KIAA1217: variants seen among roughly 807,000 people sequenced by gnomAD.
The protein encoded by KIAA1217 is sickle tail protein homolog.
In KIAA1217, 88 loss-of-function variants were observed where a neutral mutation model predicts 163.9. The observed-to-expected ratio is 0.54, with a 90% CI of 0.45 to 0.64. The LOEUF is 0.64. KIAA1217 is among the 30% of genes least tolerant of loss of function. The pLI, the probability that KIAA1217 is intolerant of heterozygous loss-of-function variation, is 0.00. For synonymous variants in KIAA1217, 903 were observed against 923.1 expected, an observed-to-expected ratio of 0.98 and a Z score of 0.39; for missense variants, 2,372 against 2,475.0, an observed-to-expected ratio of 0.96 and a Z score of 0.88.
intron 1 of KIAA1217, among the ~76,000 whole-genome samples, chr10:23,813,141 T>C (rs1410192395): frequency 6.6e-6 from 1 of 152,186 alleles, no homozygotes; most frequent in Non-Finnish European, 1.5e-5. Flanking sequence ...TAGTGTGTGT[T>C]AAGTGCTATC....
chr10:23,747,933 C>G (rs1839500589), intron 1 of KIAA1217, among the ~76,000 whole-genome samples: 1 of 152,178 alleles, frequency 6.6e-6, no homozygotes, highest in South Asian at 2.1e-4. Flanking sequence ...TCCCTTATCC[C>G]CAGGAGTGAC....
intron 1 of KIAA1217, among the ~76,000 whole-genome samples, chr10:23,806,460 T>C (rs1451332970): frequency 6.6e-6 from 1 of 152,234 alleles, no homozygotes; most frequent in African/African-American, 2.4e-5. Flanking sequence ...TGTGCCCCAA[T>C]GACTACACGT....
chr10:24,499,459 G>A (rs953291904), intron 8 of KIAA1217, among the ~76,000 whole-genome samples: 5 of 152,296 alleles, frequency 3.3e-5, no homozygotes, highest in Admixed American at 2.0e-4. Flanking sequence ...GTGGCTGGGC[G>A]CGGTGGCCCA....
At chr10:24,365,898 T>C (rs1199713606) in intron 2 of KIAA1217, among the ~76,000 whole-genome samples, 3 of 152,192 alleles carry the variant, frequency 2.0e-5, no homozygotes, top group Non-Finnish European at 4.4e-5. Flanking sequence ...ATATATATAA[T>C]CTATACACAA....
chr10:23,848,625 G>A (rs1839158007), intron 1 of KIAA1217, among the ~76,000 whole-genome samples: 1 of 151,914 alleles, frequency 6.6e-6, no homozygotes, highest in Non-Finnish European at 1.5e-5. Flanking sequence ...TTTGTGAATG[G>A]CACCATCATC....
At chr10:24,258,031 T>C (rs2075341882) in intron 2 of KIAA1217, among the ~76,000 whole-genome samples, 1 of 152,144 alleles carries the variant, frequency 6.6e-6, no homozygotes. Context: ...TTAAAAACTC[T>C]TTAGCCAGGG....
chr10:23,986,982 A>G (rs913255009), intron 1 of KIAA1217, among the ~76,000 whole-genome samples: 1 of 152,166 alleles, frequency 6.6e-6, no homozygotes, highest in African/African-American at 2.4e-5. Flanking sequence ...AGACCAAGCT[A>G]TTTCCACAAG....
chr10:24,499,754 C>T (rs1423202414), intron 8 of KIAA1217, among the ~76,000 whole-genome samples: 1 of 152,012 alleles, frequency 6.6e-6, no homozygotes, highest in African/African-American at 2.4e-5. Context: ...AAGAAAGAAA[C>T]ATAACAAAAA....
intron 1 of KIAA1217, among the ~76,000 whole-genome samples, chr10:23,804,425 T>G (rs1192909225): frequency 6.6e-6 from 1 of 152,200 alleles, no homozygotes; most frequent in African/African-American, 2.4e-5. Context: ...ATGAGTACGG[T>G]CTAGGAGCCA....
intron 2 of KIAA1217, among the ~76,000 whole-genome samples, chr10:24,347,660 A>G (rs2047957206): frequency 6.6e-6 from 1 of 152,202 alleles, no homozygotes; most frequent in Admixed American, 6.5e-5. Flanking sequence ...GAAAAAATAT[A>G]CTAGGATAAA....
At chr10:24,122,286 T>C (rs2063312283) in intron 2 of KIAA1217, among the ~76,000 whole-genome samples, 1 of 152,162 alleles carries the variant, frequency 6.6e-6, no homozygotes, top group Non-Finnish European at 1.5e-5. Flanking sequence ...CTTAGGATAA[T>C]GGCCTCCAGC....
intron 1 of KIAA1217, among the ~76,000 whole-genome samples, chr10:23,822,753 CA>C (rs1837682144): frequency 6.6e-6 from 1 of 152,086 alleles, no homozygotes; most frequent in South Asian, 2.1e-4. Flanking sequence ...AGGTATTTAG[CA>C]CAGAGTTTTT....
At chr10:24,313,843 G>GC (rs1815453753) in intron 2 of KIAA1217, among the ~76,000 whole-genome samples, 1 of 113,430 alleles carries the variant, frequency 8.8e-6, no homozygotes, top group Non-Finnish European at 1.8e-5. Flanking sequence ...CCATCTGGTT[G>GC]TTTTTTTTTT....
intron 1 of KIAA1217, among the ~76,000 whole-genome samples, chr10:23,948,960 GCTAAA>G (rs1844190317): frequency 6.6e-6 from 1 of 152,100 alleles, no homozygotes; most frequent in Non-Finnish European, 1.5e-5. Context: ...AAGGTAATCT[GCTAAA>G]CTGTGAGCCC....
chr10:23,858,174 G>A (rs925703272), intron 1 of KIAA1217, among the ~76,000 whole-genome samples: 62 of 152,040 alleles, frequency 4.1e-4, no homozygotes, highest in African/African-American at 1.4e-3. Context: ...TCTTCTCTGG[G>A]CTCTGACTTA....
intron 1 of KIAA1217, among the ~76,000 whole-genome samples, chr10:23,896,164 A>T (rs1013184784): frequency 6.4e-4 from 98 of 152,164 alleles, no homozygotes; most frequent in African/African-American, 1.3e-3. Flanking sequence ...AAAATTTTTT[A>T]AAAAAGTAGA....
intron 14 of KIAA1217, among the ~76,000 whole-genome samples, chr10:24,531,030 TA>T (rs34814705): frequency 0.33 from 48,087 of 145,246 alleles, 8,713 homozygotes; most frequent in African/African-American, 0.51. Flanking sequence ...ACCCCGCCTG[TA>T]AAAAAAAAAA....
At chr10:24,331,746 C>G (rs543996025) in intron 2 of KIAA1217, among the ~76,000 whole-genome samples, 28 of 152,328 alleles carry the variant, frequency 1.8e-4, no homozygotes, top group African/African-American at 6.3e-4. Context: ...TTAAATACAT[C>G]TGAAAGAACA....
intron 2 of KIAA1217, among the ~76,000 whole-genome samples, chr10:24,225,818 C>A (rs189788590): frequency 2.6e-5 from 4 of 152,338 alleles, no homozygotes; most frequent in African/African-American, 9.6e-5. Context: ...CTAGAATAAT[C>A]TTCTGGAGGT....
Sources: gnomAD v4.1 joint callset for allele counts (sites outside exome capture counted in the v4.1 genomes callset) on GRCh38, gnomAD v4.1.1 for gene constraint, MANE v1.5 for transcripts, NCBI Gene and HGNC (gene_info 2026-07-23, HGNC 2026-07-21) for gene names.